VNN2: variants seen among roughly 807,000 people sequenced by gnomAD.
VNN2 encodes the protein vanin 2.
A neutral mutation model predicts 43.0 loss-of-function variants in VNN2; 43 were observed. The ratio of observed to expected loss-of-function variants is 1.00; its 90% CI spans 0.78 to 1.29. The LOEUF (loss-of-function observed/expected upper bound fraction) is 1.29, where lower values mean the gene tolerates loss of function less well. VNN2 is among the 50% of genes most tolerant of loss of function. The pLI is 0.00. For synonymous variants in VNN2, 230 were observed against 224.3 expected, an observed-to-expected ratio of 1.03 and a Z score of -0.23; for missense variants, 652 against 619.7, an observed-to-expected ratio of 1.05 and a Z score of -0.55.
rs34678175 is a variant in VNN2 at position 132,744,770 on chromosome 6, A to T, written c.1372-279T>A. Among the ~76,000 whole-genome samples the T allele has an allele frequency of 4.9e-3, 749 of 152,348 alleles. 5 individuals carry two copies. The highest frequency in any genetic ancestry group is 0.017 in the African/African-American group (725 of 41,574). ...TTCATTGAGTTCGATTATGTGCAAG[A>T]CAATCAGGAACCAGAGAGTTATACA... On this transcript the variant is annotated intron_variant, in intron 6 of 6. Transcript: ENST00000326499.
In VNN2 at chr6:132,751,192, C is replaced by T. The variant is rs1582823284; in HGVS notation, c.1153G>A (p.Gly385Arg). 1.2e-6 allele frequency: 2 copies of T among 1,613,684 alleles called. No individual in the cohort carries two copies. Among genetic ancestry groups the T allele is most frequent in the Non-Finnish European group, 1.7e-6 (2 of 1,179,876 alleles). Residue 385 changes from glycine (G) to arginine (R), a missense_variant, in exon 5 of 7, where the codon GGA becomes AGA. Physicochemically the swap from Gly to Arg is moderately radical, Grantham distance 125. Transcript: ENST00000326499. ...QKEENEVYVL[G>R]AFTGLHGRRR... The stretch of plus-strand genomic sequence containing the variant: ...CGGCCATGTAATCCTGTAAAAGCTC[C>T]TAGAACGTATACTTCATTCTCTTCT...
chr6:132,749,682 A>T lies in VNN2; in HGVS notation c.1371+13T>A. ...CATATAAAATGAAAATACTCTTATA[A>T]AAGTCCTCTTACCTCAAATTTTCCA... On this transcript the variant is annotated intron_variant, in intron 6 of 6. Coordinates refer to ENST00000326499, the MANE Select transcript of VNN2 (RefSeq NM_004665.6). The T allele has an allele frequency of 6.2e-7, 1 of 1,606,276 alleles. No homozygotes were observed. The highest frequency in any genetic ancestry group is 8.5e-7 in the Non-Finnish European group (1 of 1,176,034).
rs776427723 is a variant in VNN2, at chr6:132,757,493, G to T, written c.267C>A (p.Thr89=). 3 of 1,613,924 alleles carry T rather than the reference G, an allele frequency of 1.9e-6. No individual in the cohort carries two copies. The highest frequency in any genetic ancestry group is 1.1e-5 in the South Asian group (1 of 91,066). ...PEDALYGWKF[T]RETVFPYLED... ...CCAGATAAGGGAAAACAGTTTCCCT[G>T]GTAAATTTCCATCCATAAAGTGCAT... The change falls in exon 2 of 7, where the codon ACC becomes ACA. Residue 89 remains threonine (T), a synonymous_variant. Transcript: ENST00000326499.
intron 6 of VNN2, among the ~76,000 whole-genome samples, chr6:132,745,729 ATGACTAGATCTAGCC>A (rs1354970654): frequency 3.9e-5 from 6 of 152,248 alleles, no homozygotes; most frequent in Non-Finnish European, 5.9e-5. Context: ...AAAGGCATTA[ATGACTAGATCTAGCC>A]TGAAGCCACA....
intron 5 of VNN2, among the ~76,000 whole-genome samples, chr6:132,750,578 C>T (rs1208469462): frequency 2.1e-5 from 3 of 144,898 alleles, no homozygotes; most frequent in African/African-American, 5.1e-5. Flanking sequence ...GCATGAGAAT[C>T]GCTTGAACCT....
chr6:132,751,612 C>T (rs1780110211), intron 4 of VNN2, 94 bp from the exon 5 acceptor site: 12 of 1,447,508 alleles, frequency 8.3e-6, no homozygotes, highest in South Asian at 1.4e-5. Context: ...TGTGATCACG[C>T]CACCATATTA....
chr6:132,756,931 C>A (rs1016682196), intron 2 of VNN2, among the ~76,000 whole-genome samples: 1 of 152,178 alleles, frequency 6.6e-6, no homozygotes, highest in Non-Finnish European at 1.5e-5. Flanking sequence ...TTCTAGATAA[C>A]CTTTTCCCAG....
rs925244579 is a variant in VNN2 at position 132,749,744 on chromosome 6, A to G, written c.1322T>C (p.Phe441Ser). ...AATTTCGGTAAGTAGCACTTCAGGA[A>G]AAACATACTCTGTTCCAAATGTGCC... ...LSGTFGTEYV[F>S]PEVLLTEIHL... Residue 441 changes from phenylalanine (F) to serine (S), a missense_variant, in exon 6 of 7, where the codon TTT (phenylalanine) becomes TCT (serine). Coordinates refer to ENST00000326499, the MANE Select transcript of VNN2 (RefSeq NM_004665.6). The G allele has an allele frequency of 6.2e-7, 1 of 1,613,700 alleles. No homozygotes were observed. Among genetic ancestry groups the G allele is most frequent in the African/African-American group, 1.3e-5 (1 of 74,914 alleles).
intron 3 of VNN2, chr6:132,753,011 A>C: frequency 8.0e-6 from 3 of 374,836 alleles, no homozygotes; most frequent in East Asian, 4.5e-5. Flanking sequence ...ATACCCCCCC[A>C]TAAACCCCAA....
chr6:132,757,700 C>T lies in VNN2; in HGVS notation c.184G>A (p.Glu62Lys). The change falls in exon 1 of 7, where the codon GAG becomes AAG. Residue 62 changes from glutamate (E) to lysine (K), a missense_variant. Transcript: ENST00000326499. ...NLMNENIDIL[E>K]TAIKQAAEQG... The stretch of plus-strand genomic sequence containing the variant: ...TCAGCTGCCTGCTTGATCGCTGTCT[C>T]CAGAATGTCTATATTCTCGTTCATG... The T allele has an allele frequency of 6.2e-7, 1 of 1,614,148 alleles. No individual in the cohort carries two copies. Among genetic ancestry groups the T allele is most frequent in the Admixed American group, 1.7e-5 (1 of 60,016 alleles).
chr6:132,751,592 G>T, intron 4 of VNN2, 74 bp from the exon 5 acceptor site: 1 of 1,523,738 alleles, frequency 6.6e-7, no homozygotes, highest in Non-Finnish European at 8.8e-7. Context: ...TTCCCCATCA[G>T]AATTGGGCAT....
At chr6:132,761,119 A>C (rs1478852071), upstream of VNN2, among the ~76,000 whole-genome samples, 1 of 152,210 alleles carries the variant, frequency 6.6e-6, no homozygotes, top group Non-Finnish European at 1.5e-5. Context: ...AATTCAGGAC[A>C]TACAGTTTCA....
At chr6:132,748,957 T>A (rs1022563809) in intron 6 of VNN2, among the ~76,000 whole-genome samples, 4 of 152,204 alleles carry the variant, frequency 2.6e-5, no homozygotes, top group Admixed American at 2.6e-4. Flanking sequence ...AAACATCTGA[T>A]TTTCTGTTTG....
intron 3 of VNN2, 93 bp from the exon 4 acceptor site, chr6:132,752,842 T>C: frequency 7.2e-7 from 1 of 1,392,610 alleles, no homozygotes; most frequent in Non-Finnish European, 9.7e-7. Flanking sequence ...GATTTGGCTA[T>C]GGTCAACTGC....
At chr6:132,759,050 C>G (rs1316139780), upstream of VNN2, among the ~76,000 whole-genome samples, 1 of 151,996 alleles carries the variant, frequency 6.6e-6, no homozygotes, top group African/African-American at 2.4e-5. Flanking sequence ...GGGGAAGAGT[C>G]CAGGATTGGT....
rs1429724991 is a variant in VNN2, at chr6:132,751,261, G to A, written c.1084C>T (p.Gln362Ter). The A allele has an allele frequency of 2.5e-6, 4 of 1,613,960 alleles. No individual in the cohort carries two copies. In the South Asian group the frequency reaches 3.3e-5, roughly 13 times the overall value. The change falls in exon 5 of 7, where the codon CAA (glutamine) becomes TAA (stop). Residue 362 changes from glutamine (Q) to a stop codon, truncating the protein, a stop_gained. Coordinates refer to ENST00000326499, the MANE Select transcript of VNN2 (RefSeq NM_004665.6). LOFTEE classifies it high-confidence loss of function. ...CTTAAATGACAGCAAAGCTCCTTTT[G>A]ACAGACTGTAAGGTTTCCTGCATTT... ...FENAGNLTVC[Q>*]KELCCHLSYR...
At chr6:132,754,220 T>G (rs1401600134) in intron 3 of VNN2, among the ~76,000 whole-genome samples, 3 of 152,112 alleles carry the variant, frequency 2.0e-5, no homozygotes, top group African/African-American at 7.2e-5. Context: ...ATACAAATAA[T>G]GCAAACAATC....
At chr6:132,746,794 G>A (rs1779743065) in intron 6 of VNN2, among the ~76,000 whole-genome samples, 1 of 152,138 alleles carries the variant, frequency 6.6e-6, no homozygotes, top group Non-Finnish European at 1.5e-5. Context: ...CCAGCTAAGG[G>A]AACCTATTTT....
Position 132,752,496 on chromosome 6 carries a change from A to C in VNN2, c.791T>G (p.Val264Gly). 6.2e-7 allele frequency: 1 copy of C among 1,614,162 alleles called. No homozygotes were observed. Among genetic ancestry groups the C allele is most frequent in the South Asian group, 1.1e-5 (1 of 91,080 alleles). ...WAMGMGVNLL[V>G]ANTHHVSLNM... ...TAGGCTGACATGATGTGTGTTGGCC[A>C]CAAGAAGATTAACTCCCATTCCCAT... The change falls in exon 4 of 7, where the codon GTG (valine) becomes GGG (glycine). Residue 264 changes from valine to glycine, a missense_variant. Physicochemically the swap from Val to Gly is moderately radical, Grantham distance 109. Coordinates refer to ENST00000326499, the MANE Select transcript of VNN2 (RefSeq NM_004665.6).
Sources: gnomAD v4.1 joint callset for allele counts (sites outside exome capture counted in the v4.1 genomes callset) on GRCh38, gnomAD v4.1.1 for gene constraint, MANE v1.5 for transcripts, NCBI Gene and HGNC (gene_info 2026-07-23, HGNC 2026-07-21) for gene names.